Variants in DNMT3A observed in about 807,000 individuals in gnomAD.
DNMT3A encodes DNA (cytosine-5)-methyltransferase 3A.
In DNMT3A, 267 loss-of-function variants were observed where a neutral mutation model predicts 117.6. The ratio of observed to expected loss-of-function variants is 2.27; its 90% CI spans 2.05 to 2.51. The LOEUF (loss-of-function observed/expected upper bound fraction) is 2.51, where lower values mean the gene tolerates loss of function less well. Ranked by LOEUF, DNMT3A falls within the 30% of genes most tolerant of loss-of-function variation. The pLI, the probability that DNMT3A is intolerant of heterozygous loss-of-function variation, is 0.00. For missense variants in DNMT3A, 1,029 were observed against 1,260.2 expected (o/e 0.82, Z 2.78); for synonymous variants, 432 against 474.8 (o/e 0.91, Z 1.17).
chr2:25,287,473 G>A (rs2032395588), intron 3 of DNMT3A, among the ~76,000 whole-genome samples: 1 of 152,124 alleles, frequency 6.6e-6, no homozygotes, highest in Non-Finnish European at 1.5e-5. Context: ...GTCCCTCCGA[G>A]TTTGCCAATC....
At chr2:25,300,711 TAATATATATATATATA>T (rs1271490739) in intron 2 of DNMT3A, among the ~76,000 whole-genome samples, 3 of 42,048 alleles carry the variant, frequency 7.1e-5, no homozygotes, top group African/African-American at 1.1e-4. Context: ...CTAAATAATA[TAATATATATATATATA>T]TATATATATA....
At position 25,282,040 on chromosome 2, in the gene DNMT3A, T is replaced by C. The variant is rs1216842734; in HGVS notation, c.448+401A>G. 1.9e-5 allele frequency: 22 copies of C among 1,154,014 alleles called. No homozygotes were observed. Among genetic ancestry groups the C allele is most frequent in the African/African-American group, 3.2e-5 (2 of 62,226 alleles). The allele number at this position is 1,154,014 out of a possible 1,614,324, so 71.5% of individuals were successfully genotyped here. Reference sequence around the variant, plus strand: ...CACGTGGGAGAGTAAGCAGGCCAGGTAGAGCTGCAGAAAACTAAGGCCCAC... The same window carrying C: ...CACGTGGGAGAGTAAGCAGGCCAGGCAGAGCTGCAGAAAACTAAGGCCCAC... On this transcript the variant is annotated intron_variant, in intron 4 of 22. Coordinates refer to ENST00000321117, the MANE Select transcript of DNMT3A (RefSeq NM_022552.5). This position sits in a 1 kb window ranked among gnomAD's most constrained non-coding sequence, Gnocchi z 5.2.
chr2:25,314,389 G>A (rs2034280801), intron 1 of DNMT3A: 5 of 985,256 alleles, frequency 5.1e-6, no homozygotes, highest in African/African-American at 3.5e-5. Context: ...CCTCCGTGTC[G>A]CTGCGGCCAA....
At chr2:25,335,154 C>T (rs2035161742) in intron 1 of DNMT3A, among the ~76,000 whole-genome samples, 1 of 151,938 alleles carries the variant, frequency 6.6e-6, no homozygotes, top group Non-Finnish European at 1.5e-5. Context: ...TTTTTAACCA[C>T]AACACTACTG....
rs1675985822 is a variant in DNMT3A, at chr2:25,254,891, G to A, written c.640-6639C>T. Among the ~76,000 whole-genome samples, 1 of 152,222 alleles carries A rather than the reference G, an allele frequency of 6.6e-6. No individual in the cohort carries two copies. The highest frequency in any genetic ancestry group is 6.5e-5 in the Admixed American group (1 of 15,284). The stretch of plus-strand genomic sequence containing the variant: ...CGTGCGTGCAGCAAGGACTCAAGGT[G>A]TCAGAACTGGCCAGAACTGTTCACT... On this transcript the variant is annotated intron_variant, in intron 6 of 22. Coordinates refer to ENST00000321117, the MANE Select transcript of DNMT3A (RefSeq NM_022552.5). The surrounding 1 kb of genome is among the most constrained non-coding windows in gnomAD (Gnocchi z 4.7).
At chr2:25,300,089 C>T (rs368936371) in intron 3 of DNMT3A, 50 bp downstream of exon 3, 59 of 1,584,326 alleles carry the variant, frequency 3.7e-5, no homozygotes, top group East Asian at 4.5e-5. Context: ...AGGCCAGGCA[C>T]GTGTGTGTTG....
At chr2:25,342,478 G>A (rs989861871), upstream of DNMT3A, 1 of 152,114 alleles carries the variant, frequency 6.6e-6, no homozygotes, top group Admixed American at 6.5e-5. This position sits in a 1 kb window ranked among gnomAD's most constrained non-coding sequence, Gnocchi z 5.9. Context: ...TGGCCGCAGG[G>A]ACAGCGGCCC....
rs969535163 is a variant in DNMT3A, at chr2:25,292,612, G to T, written c.177+7527C>A. Among the ~76,000 whole-genome samples the T allele has an allele frequency of 8.5e-5, 13 of 152,278 alleles. 1 individual carries two copies. The highest frequency in any genetic ancestry group is 2.6e-4 in the African/African-American group (11 of 41,564). On this transcript the variant is annotated intron_variant, in intron 3 of 22. Coordinates refer to ENST00000321117, the MANE Select transcript of DNMT3A (RefSeq NM_022552.5). ...CCGCCGCACCCGACATGATTTCATA[G>T]CCTTAATCACATCCTCTGCCTTTGT...
At chr2:25,255,209 G>C (rs901742988) in intron 6 of DNMT3A, among the ~76,000 whole-genome samples, 10 of 152,206 alleles carry the variant, frequency 6.6e-5, no homozygotes, top group African/African-American at 2.4e-4. Flanking sequence ...CCAAGATCTA[G>C]AGCAGGGGTG....
At chr2:25,323,333 A>T (rs2034668440) in intron 1 of DNMT3A, among the ~76,000 whole-genome samples, 1 of 152,052 alleles carries the variant, frequency 6.6e-6, no homozygotes, top group South Asian at 2.1e-4. Context: ...GGAGGCAGGG[A>T]CGTCTCTGAA....
rs769419803 is a variant in DNMT3A at position 25,244,263 on chromosome 2, C to T, written c.1743G>A (p.Trp581Ter). The stretch of plus-strand genomic sequence containing the variant: ...CCTTGTGCCCGCACATGTAGCAGTT[C>T]CAGGGGTCTTCCTTAATGGCTGCCT... ...AAQAAIKEDP[W>*]NCYMCGHKGT... Residue 581 changes from tryptophan (W) to a stop codon, truncating the protein, a stop_gained, in exon 15 of 23, where the codon TGG becomes TGA. Transcript: ENST00000321117. LOFTEE classifies it high-confidence loss of function. 2.5e-6 allele frequency: 4 copies of T among 1,613,894 alleles called. No individual in the cohort carries two copies. The highest frequency in any genetic ancestry group is 2.2e-5 in the East Asian group (1 of 44,880).
Position 25,252,049 on chromosome 2 carries a change from T to TCGGGC in DNMT3A, c.640-3802_640-3798dup. 1 of 1,093,766 alleles carries TCGGGC rather than the reference T, an allele frequency of 9.1e-7. No individual in the cohort carries two copies. Among genetic ancestry groups the TCGGGC allele is most frequent in the Non-Finnish European group, 1.3e-6 (1 of 784,292 alleles). 67.8% of individuals were successfully genotyped at this position (1,093,766 alleles called of 1,614,324 possible). The stretch of plus-strand genomic sequence containing the variant: ...AGCACTAAGTCAGCATCTCCAGAAC[T>TCGGGC]CGGGCCAGGCCGGGACGCCGCGGCT... On this transcript the variant is annotated intron_variant, in intron 6 of 22. Coordinates refer to ENST00000321117, the MANE Select transcript of DNMT3A (RefSeq NM_022552.5). The surrounding 1 kb of genome is among the most constrained non-coding windows in gnomAD (Gnocchi z 5.5).
intron 16 of DNMT3A, among the ~76,000 whole-genome samples, chr2:25,243,082 G>A (rs1350479973): frequency 4.6e-5 from 7 of 152,054 alleles, no homozygotes; most frequent in South Asian, 2.1e-4. Flanking sequence ...CGAGGTGGGC[G>A]GATCACAAGG....
intron 6 of DNMT3A, among the ~76,000 whole-genome samples, chr2:25,264,387 G>A (rs1016630732): frequency 6.6e-6 from 1 of 151,866 alleles, no homozygotes; most frequent in Non-Finnish European, 1.5e-5. Context: ...AGATCCACCC[G>A]CCTTGGCCTC....
At chr2:25,269,659 A>G (rs1005740308) in intron 6 of DNMT3A, among the ~76,000 whole-genome samples, 7 of 152,120 alleles carry the variant, frequency 4.6e-5, no homozygotes, top group African/African-American at 1.7e-4. Context: ...TGGAGGTTCT[A>G]TGGCAGGGTG....
chr2:25,300,712 AATATATATATATATATAT>A (rs3039391), intron 2 of DNMT3A, among the ~76,000 whole-genome samples: 70 of 18,918 alleles, frequency 3.7e-3, no homozygotes, highest in Non-Finnish European at 4.2e-3. Context: ...TAAATAATAT[AATATATATATATATATAT>A]ATATATATAT....
rs1672778440 is a variant in DNMT3A at position 25,229,165 on chromosome 2, A to C, written c.*5114T>G. 2 of 152,330 alleles carry C rather than the reference A, an allele frequency of 1.3e-5. No individual in the cohort carries two copies. Among genetic ancestry groups the C allele is most frequent in the Admixed American group, 6.5e-5 (1 of 15,284 alleles). 9.4% of individuals were successfully genotyped at this position (152,330 alleles called of 1,614,324 possible). ...CAAGGTTCCCCAACTCGATCCTCAA[A>C]GACCCTGGCCTGCCTTTACCAAAAC... On this transcript the variant is annotated 3_prime_UTR_variant, in exon 23 of 23. Transcript: ENST00000321117.
At chr2:25,326,106 ATATGTGTG>A (rs1265149767) in intron 1 of DNMT3A, among the ~76,000 whole-genome samples, 10 of 103,276 alleles carry the variant, frequency 9.7e-5, no homozygotes, top group African/African-American at 3.5e-4. Flanking sequence ...AACTTGATAT[ATATGTGTG>A]TGTGTGTGTG....
intron 6 of DNMT3A, among the ~76,000 whole-genome samples, chr2:25,255,149 G>A (rs533783986): frequency 2.2e-4 from 34 of 152,180 alleles, no homozygotes; most frequent in Admixed American, 7.9e-4. Context: ...AAACAGAGAT[G>A]TGTCTTCTTT....
Sources: gnomAD v4.1 joint callset for allele counts (sites outside exome capture counted in the v4.1 genomes callset) on GRCh38, gnomAD v4.1.1 for gene constraint, Gnocchi (gnomAD v3.1) non-coding constraint, MANE v1.5 for transcripts, NCBI Gene and HGNC (gene_info 2026-07-23, HGNC 2026-07-21) for gene names.